Variants in NTAQ1 observed in about 807,000 individuals in gnomAD.
The protein encoded by NTAQ1 is protein N-terminal glutamine amidohydrolase.
A neutral mutation model predicts 28.2 loss-of-function variants in NTAQ1; 21 were observed. The observed-to-expected ratio is 0.74, with a 90% CI of 0.53 to 1.07. The LOEUF is 1.07. Among genes scored for constraint, NTAQ1 ranks in the 50% least tolerant of loss-of-function variants. NTAQ1 has a pLI of 0.00. For missense variants in NTAQ1, 264 were observed against 256.6 expected, an observed-to-expected ratio of 1.03 and a Z score of -0.20; for synonymous variants, 105 against 90.0, an observed-to-expected ratio of 1.17 and a Z score of -0.94.
chr8:123,461,077 G>C (rs1017210903), intron 6 of NTAQ1, among the ~76,000 whole-genome samples: 2 of 152,140 alleles, frequency 1.3e-5, no homozygotes, highest in African/African-American at 2.4e-5. Context: ...CCTTGCCTAA[G>C]TGACCTAACA....
downstream of NTAQ1, among the ~76,000 whole-genome samples, chr8:123,448,626 A>G (rs145533468): frequency 4.1e-3 from 620 of 152,300 alleles, 1 homozygote; most frequent in African/African-American, 0.013. Context: ...TCGAAAAAGA[A>G]TAAGAAGAAT....
At chr8:123,421,458 G>A (rs552036125) in intron 1 of NTAQ1, among the ~76,000 whole-genome samples, 2 of 151,256 alleles carry the variant, frequency 1.3e-5, no homozygotes, top group Non-Finnish European at 2.9e-5. Context: ...CTAATGATTA[G>A]TGTTGTTGAG....
At chr8:123,456,473 A>C (rs954763019) in intron 6 of NTAQ1, among the ~76,000 whole-genome samples, 1 of 152,184 alleles carries the variant, frequency 6.6e-6, no homozygotes, top group Non-Finnish European at 1.5e-5. Context: ...GTGTGGCTGA[A>C]CTTGATTCTG....
chr8:123,439,870 C>T (rs1248082144), intron 5 of NTAQ1, among the ~76,000 whole-genome samples: 6 of 151,674 alleles, frequency 4.0e-5, no homozygotes, highest in Non-Finnish European at 8.8e-5. Flanking sequence ...AGGAGAATTG[C>T]TTGAATCTGG....
At chr8:123,463,495 A>G (rs1815888706) in intron 6 of NTAQ1, among the ~76,000 whole-genome samples, 1 of 152,208 alleles carries the variant, frequency 6.6e-6, no homozygotes, top group African/African-American at 2.4e-5. Flanking sequence ...TTTGATTGAT[A>G]TTGTTTATTC....
downstream of NTAQ1, among the ~76,000 whole-genome samples, chr8:123,445,007 G>T (rs1397424622): frequency 6.6e-6 from 1 of 152,084 alleles, no homozygotes; most frequent in African/African-American, 2.4e-5. Flanking sequence ...GGTTAGCAAT[G>T]GTAGTAAATG....
At chr8:123,429,174 A>G (rs1235076943) in intron 2 of NTAQ1, among the ~76,000 whole-genome samples, 2 of 152,222 alleles carry the variant, frequency 1.3e-5, no homozygotes, top group Non-Finnish European at 2.9e-5. Context: ...ATTAAGACTT[A>G]GGGTGGCCCT....
intron 6 of NTAQ1, among the ~76,000 whole-genome samples, chr8:123,465,308 G>A (rs12541769): frequency 0.1 from 15,724 of 152,058 alleles, 1,126 homozygotes; most frequent in East Asian, 0.36. Context: ...GTGTGTGCAT[G>A]TGTATAAACA....
chr8:123,449,962 T>TG (rs1231423658), downstream of NTAQ1, among the ~76,000 whole-genome samples: 55 of 55,084 alleles, frequency 1.0e-3, 11 homozygotes, highest in East Asian at 2.7e-3. Context: ...TATATATATA[T>TG]ATATATATAT....
chr8:123,437,702 CAAAAAAAAAAA>C (rs67334148), intron 5 of NTAQ1, among the ~76,000 whole-genome samples: 4 of 137,208 alleles, frequency 2.9e-5, no homozygotes, highest in African/African-American at 8.1e-5. Context: ...GACTCCATCT[CAAAAAAAAAAA>C]AAAACAAAAA....
intron 1 of NTAQ1, among the ~76,000 whole-genome samples, chr8:123,426,409 C>T (rs1814055567): frequency 6.6e-6 from 1 of 152,196 alleles, no homozygotes; most frequent in Admixed American, 6.5e-5. Context: ...GTGGCTCATA[C>T]CTGTAATCCC....
At chr8:123,444,683 A>G (rs905574733), downstream of NTAQ1, among the ~76,000 whole-genome samples, 9 of 152,030 alleles carry the variant, frequency 5.9e-5, no homozygotes, top group Non-Finnish European at 1.2e-4. Flanking sequence ...ATTTCTTTTT[A>G]TATTTTTAGT....
intron 2 of NTAQ1, 40 bp downstream of exon 2, chr8:123,428,063 T>A (rs1244753700): frequency 7.0e-7 from 1 of 1,430,842 alleles, no homozygotes; most frequent in Non-Finnish European, 9.5e-7. Flanking sequence ...ACAAGAGATT[T>A]AGGATGACAT....
At chr8:123,435,510 C>T in intron 3 of NTAQ1, 1 of 985,432 alleles carries the variant, frequency 1.0e-6, no homozygotes, top group Non-Finnish European at 1.2e-6. Flanking sequence ...CCTCTGCATT[C>T]ACATGCATGC....
chr8:123,454,899 G>C (rs1815603599), intron 6 of NTAQ1: 1 of 152,336 alleles, frequency 6.6e-6, no homozygotes, highest in Non-Finnish European at 1.5e-5. Flanking sequence ...AGCAATGTGG[G>C]TGTCTGGCGT....
chr8:123,453,134 G>T (rs1313335616), intron 6 of NTAQ1, among the ~76,000 whole-genome samples: 1 of 152,192 alleles, frequency 6.6e-6, no homozygotes, highest in African/African-American at 2.4e-5. Flanking sequence ...GGTTGAATCA[G>T]TTCCCACTCA....
chr8:123,450,684 CAGAG>C (rs1218712276), downstream of NTAQ1, among the ~76,000 whole-genome samples: 1 of 152,300 alleles, frequency 6.6e-6, no homozygotes, highest in East Asian at 1.9e-4. Context: ...TCAGCATTGA[CAGAG>C]AGGAAAGAAA....
At chr8:123,472,156 G>T (rs1477789367), downstream of NTAQ1, among the ~76,000 whole-genome samples, 4 of 152,082 alleles carry the variant, frequency 2.6e-5, no homozygotes, top group African/African-American at 9.7e-5. Context: ...AGTTGTGAGT[G>T]GGGACAGAAA....
chr8:123,465,737 ATGCCAGGC>A (rs1815946205), intron 6 of NTAQ1, among the ~76,000 whole-genome samples: 1 of 151,768 alleles, frequency 6.6e-6, no homozygotes. Flanking sequence ...GCCCGCCACC[ATGCCAGGC>A]TAATTTTTGT....
Sources: allele counts gnomAD v4.1 joint callset (sites outside exome capture counted in the v4.1 genomes callset), GRCh38; gene constraint gnomAD v4.1.1; transcripts MANE v1.5; gene names NCBI Gene and HGNC (gene_info 2026-07-23, HGNC 2026-07-21).